Variants in SP2 observed in about 807,000 individuals in gnomAD.
SP2 encodes the protein Sp2 transcription factor.
Under a neutral mutation model 50.1 loss-of-function variants are expected in SP2, and 9 were observed. The ratio of observed to expected loss-of-function variants is 0.18; its 90% CI spans 0.11 to 0.31. SP2 has a LOEUF of 0.31. SP2 is among the 10% of genes least tolerant of loss of function. The probability of loss-of-function intolerance (pLI) is 1.00; values close to 1 mark genes in which losing one functional copy is unlikely to be tolerated. For missense variants in SP2, 581 were observed against 806.5 expected, an observed-to-expected ratio of 0.72 and a Z score of 3.39; for synonymous variants, 313 against 326.6, an observed-to-expected ratio of 0.96 and a Z score of 0.45.
Position 47,927,832 on chromosome 17 carries a change from T to TGCG in SP2, c.*13_*15dup. ...GTCACGAAGAACTTGTAAGGCCAAC[T>TGCG]GCGGCGGGAGGCCCTGAAGATGCAG... is the stretch of plus-strand genomic sequence containing the variant. On this transcript the variant is annotated 3_prime_UTR_variant, in exon 7 of 7. Coordinates refer to ENST00000376741, the MANE Select transcript of SP2 (RefSeq NM_003110.6). The TGCG allele has an allele frequency of 6.5e-7, 1 of 1,538,394 alleles. No homozygotes were observed. The highest frequency in any genetic ancestry group is 8.9e-7 in the Non-Finnish European group (1 of 1,125,936).
At chr17:47,923,526 C>G (rs539595229) in intron 4 of SP2, among the ~76,000 whole-genome samples, 6 of 152,240 alleles carry the variant, frequency 3.9e-5, no homozygotes, top group Non-Finnish European at 8.8e-5. Flanking sequence ...CAACTGACAT[C>G]CAAACGCAAA....
intron 6 of SP2, among the ~76,000 whole-genome samples, chr17:47,926,735 G>T (rs1416138450): frequency 6.6e-6 from 1 of 151,772 alleles, no homozygotes; most frequent in Non-Finnish European, 1.5e-5. Context: ...ACCAGCCAGG[G>T]CAATATAGCG....
chr17:47,926,315 G>GTT (rs71366809), intron 6 of SP2, among the ~76,000 whole-genome samples: 1,672 of 140,126 alleles, frequency 0.012, 25 homozygotes, highest in African/African-American at 0.032. Context: ...ATGGCTTTTT[G>GTT]TTTTTTTTTT....
intron 1 of SP2, chr17:47,897,986 T>A: frequency 4.1e-6 from 2 of 490,126 alleles, no homozygotes; most frequent in Non-Finnish European, 5.3e-6. Context: ...CCTCTTTGGT[T>A]AAAAGCAACT....
chr17:47,924,308 T>C (rs1212890710), intron 4 of SP2, among the ~76,000 whole-genome samples: 2 of 132,454 alleles, frequency 1.5e-5, no homozygotes, highest in Admixed American at 8.0e-5. Context: ...GCCAATTTTT[T>C]AGTTTTTTGT....
Position 47,916,530 on chromosome 17 carries a change from C to G in SP2, c.459C>G (p.Thr153=). ...CCATCCAAGTACAGCCCAATCTCAC[C>G]AACCAGATCCAGATCATCCCTGGCA... ...SQTIQVQPNL[T]NQIQIIPGTN... The change falls in exon 3 of 7, where the codon ACC becomes ACG. Residue 153 remains threonine, a synonymous_variant. Coordinates refer to ENST00000376741, the MANE Select transcript of SP2 (RefSeq NM_003110.6). This position sits in a 1 kb window ranked among gnomAD's most constrained non-coding sequence, Gnocchi z 4.7. 6.2e-7 allele frequency: 1 copy of G among 1,614,154 alleles called. No homozygotes were observed. The highest frequency in any genetic ancestry group is 8.5e-7 in the Non-Finnish European group (1 of 1,180,024).
chr17:47,896,272 G>A lies in SP2; in HGVS notation c.-15G>A, dbSNP rs1217132413. 3.8e-5 allele frequency: 47 copies of A among 1,240,242 alleles called. No individual in the cohort carries two copies. The highest frequency in any genetic ancestry group is 4.2e-5 in the Non-Finnish European group (42 of 988,844). The allele number at this position is 1,240,242 out of a possible 1,614,324, so 76.8% of individuals were successfully genotyped here. ...GGCGGCGGAGGCGGCGGAGGCCAGG[G>A]AGGAAGATGTCGTAATGAGCGGTGG... On this transcript the variant is annotated 5_prime_UTR_variant, in exon 1 of 7. Transcript: ENST00000376741.
At chr17:47,922,328 A>G (rs2035491253) in intron 3 of SP2, among the ~76,000 whole-genome samples, 1 of 152,142 alleles carries the variant, frequency 6.6e-6, no homozygotes, top group South Asian at 2.1e-4. Flanking sequence ...GGTTTTTGAT[A>G]CATATCCCCA....
intron 2 of SP2, among the ~76,000 whole-genome samples, 193 bp downstream of exon 2, chr17:47,915,581 A>G (rs1310775484): frequency 1.3e-5 from 2 of 152,176 alleles, no homozygotes; most frequent in Non-Finnish European, 2.9e-5. Flanking sequence ...CAGGGGGAAA[A>G]ACAAGGATTA....
intron 1 of SP2, among the ~76,000 whole-genome samples, chr17:47,901,369 A>G (rs1302660706): frequency 1.3e-5 from 2 of 151,500 alleles, no homozygotes; most frequent in African/African-American, 4.9e-5. Flanking sequence ...ATGGTCTCCA[A>G]CTCTTGACCT....
In SP2 at chr17:47,916,145, T is replaced by G; in HGVS notation, c.85-11T>G. Reference sequence around the variant, plus strand: ...CCTGTCTCACTCCTTTTCTCTGCTGTTTTTTTGCAGGACTCCCAGCCATCT... The same window carrying G: ...CCTGTCTCACTCCTTTTCTCTGCTGGTTTTTTGCAGGACTCCCAGCCATCT... On this transcript the variant is annotated splice_polypyrimidine_tract_variant and intron_variant, in intron 2 of 6. Transcript: ENST00000376741. The surrounding 1 kb of genome is among the most constrained non-coding windows in gnomAD (Gnocchi z 4.7). 1.6e-5 allele frequency: 26 copies of G among 1,589,748 alleles called. No homozygotes were observed. Among genetic ancestry groups the G allele is most frequent in the Non-Finnish European group, 2.0e-5 (23 of 1,166,672 alleles).
chr17:47,930,885 A>C (rs1469146134), downstream of SP2, among the ~76,000 whole-genome samples: 1 of 152,024 alleles, frequency 6.6e-6, no homozygotes. Flanking sequence ...TGTGCTCATT[A>C]TCCCACAGCC....
At chr17:47,909,345 C>G (rs893154307) in intron 1 of SP2, among the ~76,000 whole-genome samples, 2 of 152,170 alleles carry the variant, frequency 1.3e-5, no homozygotes, top group Non-Finnish European at 2.9e-5. Context: ...ACCTCTGGGG[C>G]TTTTCCACAT....
At chr17:47,925,930 T>TTTTTTTTTTTTTTTTTTTTTTTTTC in intron 6 of SP2, among the ~76,000 whole-genome samples, 1 of 107,082 alleles carries the variant, frequency 9.3e-6, no homozygotes, top group African/African-American at 3.4e-5. Flanking sequence ...TTTTTTTTTT[T>TTTTTTTTTTTTTTTTTTTTTTTTTC]TTTGGAGATG....
At chr17:47,913,512 T>C (rs1263712089) in intron 1 of SP2, among the ~76,000 whole-genome samples, 1 of 152,222 alleles carries the variant, frequency 6.6e-6, no homozygotes, top group Non-Finnish European at 1.5e-5. Flanking sequence ...TTTAAGATGG[T>C]ATAGATTCTT....
rs779947487 is a variant in SP2 at position 47,916,335 on chromosome 17, C to T, written c.264C>T (p.Ser88=). ...SPGKNSFGIL[S]SKGNILQIQG... ...GCAAGAATAGCTTTGGAATCTTGTC[C>T]TCCAAAGGAAATATACTTCAGATTC... The change falls in exon 3 of 7, where the codon TCC becomes TCT. Residue 88 remains serine (S), a synonymous_variant. Coordinates refer to ENST00000376741, the MANE Select transcript of SP2 (RefSeq NM_003110.6). The surrounding 1 kb of genome is among the most constrained non-coding windows in gnomAD (Gnocchi z 4.7). 6.2e-7 allele frequency: 1 copy of T among 1,614,148 alleles called. No homozygotes were observed. The highest frequency in any genetic ancestry group is 8.5e-7 in the Non-Finnish European group (1 of 1,180,022).
chr17:47,900,684 C>G (rs550767987), intron 1 of SP2, among the ~76,000 whole-genome samples: 1 of 152,136 alleles, frequency 6.6e-6, no homozygotes, highest in African/African-American at 2.4e-5. Context: ...GGCTGAGGCA[C>G]GGGAATCACT....
rs1172814872 is a variant in SP2, at chr17:47,896,413, C to T, written c.7+120C>T. On this transcript the variant is annotated intron_variant, in intron 1 of 6. Transcript: ENST00000376741. ...TCCCCCCTGGGGCTGGGTCTGGCGT[C>T]GGGGCCCGGCTTCAGGAGGGGCGGG... The T allele has an allele frequency of 6.0e-6, 4 of 663,598 alleles. 1 individual carries two copies. Among genetic ancestry groups the T allele is most frequent in the African/African-American group, 1.9e-5 (1 of 52,208 alleles). 41.1% of individuals were successfully genotyped at this position (663,598 alleles called of 1,614,324 possible).
At chr17:47,921,754 A>G (rs73323310) in intron 3 of SP2, among the ~76,000 whole-genome samples, 20,836 of 152,100 alleles carry the variant, frequency 0.14, 1,659 homozygotes, top group East Asian at 0.24. Context: ...GGAATCAGCT[A>G]TTTCTCCAAG....
Sources: allele counts gnomAD v4.1 joint callset (sites outside exome capture counted in the v4.1 genomes callset), GRCh38; gene constraint gnomAD v4.1.1; non-coding constraint Gnocchi (gnomAD v3.1); transcripts MANE v1.5; gene names NCBI Gene and HGNC (gene_info 2026-07-23, HGNC 2026-07-21).